Variants in DNAH8 observed in about 807,000 individuals in gnomAD.
The protein encoded by DNAH8 is axonemal beta dynein heavy chain 8.
DNAH8 carries 382 observed loss-of-function variants against 562.1 expected under a neutral mutation model. The observed-to-expected ratio is 0.68, with a 90% CI of 0.63 to 0.74. The LOEUF is 0.74. Ranked by LOEUF, DNAH8 falls within the 30% of genes least tolerant of loss-of-function variation. DNAH8 has a pLI of 0.00. For missense variants in DNAH8, 5,203 were observed against 5,620.4 expected (o/e 0.93, Z 2.37); for synonymous variants, 1,881 against 1,919.4 (o/e 0.98, Z 0.52).
intron 17 of DNAH8, among the ~76,000 whole-genome samples, chr6:38,786,067 T>G (rs1198701951): frequency 2.6e-5 from 4 of 152,232 alleles, no homozygotes; most frequent in Non-Finnish European, 4.4e-5. Flanking sequence ...ATAAGTGTTT[T>G]ATTATTATGC....
In DNAH8 at chr6:38,998,795, T is replaced by G. The variant is rs1765302908; in HGVS notation, c.13214+8623T>G. Reference sequence around the variant, plus strand: ...CCCATATTTACTCTAAAGAGAAATTTTCTTCAAGAAATAACTTAGAACCAA... The same window carrying G: ...CCCATATTTACTCTAAAGAGAAATTGTCTTCAAGAAATAACTTAGAACCAA... On this transcript the variant is annotated intron_variant, in intron 88 of 92. Transcript: ENST00000327475. 2.0e-5 allele frequency among the ~76,000 whole-genome samples: 3 copies of G among 152,206 alleles called. No individual in the cohort carries two copies. In the South Asian group the frequency reaches 6.2e-4, roughly 32 times the overall value.
chr6:39,017,537 C>T (rs1488254172), intron 91 of DNAH8, among the ~76,000 whole-genome samples: 1 of 152,128 alleles, frequency 6.6e-6, no homozygotes, highest in Non-Finnish European at 1.5e-5. Flanking sequence ...AGGTCTCACA[C>T]CTCTATAGTA....
intron 7 of DNAH8, among the ~76,000 whole-genome samples, chr6:38,739,062 A>G (rs1304793021): frequency 6.6e-6 from 1 of 151,996 alleles, no homozygotes; most frequent in Non-Finnish European, 1.5e-5. Context: ...GCTTGTTTAT[A>G]TCATTTACCT....
At chr6:38,786,688 C>A in intron 17 of DNAH8, 77 bp from the exon 18 acceptor site, 2 of 1,456,020 alleles carry the variant, frequency 1.4e-6, no homozygotes, top group East Asian at 2.4e-5. Flanking sequence ...ATCCAGGGGG[C>A]AAGACAGAAA....
intron 4 of DNAH8, among the ~76,000 whole-genome samples, chr6:38,733,122 G>A (rs1355420957): frequency 6.6e-6 from 1 of 152,074 alleles, no homozygotes; most frequent in African/African-American, 2.4e-5. Context: ...AAACTTCTGG[G>A]TTCAAGCAAT....
intron 62 of DNAH8, among the ~76,000 whole-genome samples, chr6:38,904,286 G>A (rs1780278959): frequency 6.6e-6 from 1 of 152,138 alleles, no homozygotes; most frequent in Non-Finnish European, 1.5e-5. Flanking sequence ...TCTGGAGATA[G>A]CAATATAGAA....
chr6:38,961,895 A>G (rs888721587), intron 82 of DNAH8, among the ~76,000 whole-genome samples: 3 of 151,996 alleles, frequency 2.0e-5, no homozygotes. Flanking sequence ...CAAAATCAAC[A>G]TTATTCTTAG....
chr6:38,926,474 G>A (rs1583374456), intron 74 of DNAH8, among the ~76,000 whole-genome samples: 1 of 152,084 alleles, frequency 6.6e-6, no homozygotes, highest in Admixed American at 6.6e-5. Context: ...CTTTTGTTCC[G>A]GGCCTTGGGT....
chr6:38,926,258 T>C, intron 74 of DNAH8, 48 bp downstream of exon 74: 1 of 1,583,892 alleles, frequency 6.3e-7, no homozygotes, highest in Non-Finnish European at 8.6e-7. Context: ...ATCATGAAAC[T>C]CTTTCAAAAT....
intron 44 of DNAH8, among the ~76,000 whole-genome samples, 193 bp from the exon 45 acceptor site, chr6:38,863,680 T>C (rs1205404605): frequency 2.0e-5 from 3 of 152,212 alleles, no homozygotes; most frequent in Non-Finnish European, 4.4e-5. Flanking sequence ...TTCCATTGTT[T>C]TGATGAAAAT....
chr6:38,827,978 T>G (rs1281748163), intron 29 of DNAH8, among the ~76,000 whole-genome samples: 1 of 152,116 alleles, frequency 6.6e-6, no homozygotes, highest in Non-Finnish European at 1.5e-5. Context: ...GCTTATTAAA[T>G]GCAGATTTCA....
chr6:38,993,009 A>G (rs1764897020), intron 88 of DNAH8, among the ~76,000 whole-genome samples: 2 of 152,064 alleles, frequency 1.3e-5, no homozygotes, highest in South Asian at 2.1e-4. Flanking sequence ...GTATAATCAC[A>G]TATATTTCTC....
At chr6:38,832,911 T>C (rs1370282153) in intron 31 of DNAH8, among the ~76,000 whole-genome samples, 1 of 151,704 alleles carries the variant, frequency 6.6e-6, no homozygotes, top group African/African-American at 2.4e-5. Flanking sequence ...TGGTTTTGTC[T>C]TTTCTCGGGG....
intron 88 of DNAH8, among the ~76,000 whole-genome samples, chr6:39,002,976 C>T (rs1039628733): frequency 5.9e-5 from 9 of 152,162 alleles, no homozygotes; most frequent in Admixed American, 6.5e-5. Flanking sequence ...CCAGATGTGG[C>T]ATTCTAGCTG....
rs969756082 is a variant in DNAH8 at position 38,750,025 on chromosome 6, G to A, written c.1294-451G>A. 2.0e-5 allele frequency among the ~76,000 whole-genome samples: 3 copies of A among 152,150 alleles called. No individual in the cohort carries two copies. In the East Asian group the frequency reaches 5.8e-4, roughly 29 times the overall value. On this transcript the variant is annotated intron_variant, in intron 8 of 92. Transcript: ENST00000327475. ...TTTTTTGTACTTTTAGTAGAGACGGGGTTTCACCGTGTTAGCTAGGATGGT... is the reference window on the plus strand; with the variant it reads ...TTTTTTGTACTTTTAGTAGAGACGGAGTTTCACCGTGTTAGCTAGGATGGT...
intron 65 of DNAH8, 79 bp downstream of exon 65, chr6:38,909,823 A>G: frequency 8.5e-7 from 1 of 1,171,758 alleles, no homozygotes; most frequent in Non-Finnish European, 1.2e-6. Context: ...AACATCCAGC[A>G]GAAGACTCTT....
At chr6:38,972,286 T>G (rs1381006028) in intron 83 of DNAH8, among the ~76,000 whole-genome samples, 15 of 152,192 alleles carry the variant, frequency 9.9e-5, no homozygotes, top group Admixed American at 9.8e-4. Context: ...TTTTAAGCTT[T>G]TGATCTCAGA....
At chr6:38,744,967 G>A (rs780897379) in intron 8 of DNAH8, among the ~76,000 whole-genome samples, 1 of 152,098 alleles carries the variant, frequency 6.6e-6, no homozygotes, top group African/African-American at 2.4e-5. Context: ...AATTCACTAT[G>A]ACTCCTGGGC....
chr6:38,762,693 C>T (rs1251384760), intron 11 of DNAH8, among the ~76,000 whole-genome samples: 1 of 152,222 alleles, frequency 6.6e-6, no homozygotes, highest in African/African-American at 2.4e-5. Flanking sequence ...AAGGCTCCAT[C>T]TGGAAGTGGT....
Sources: allele counts gnomAD v4.1 joint callset (sites outside exome capture counted in the v4.1 genomes callset), GRCh38; gene constraint gnomAD v4.1.1; transcripts MANE v1.5; gene names NCBI Gene and HGNC (gene_info 2026-07-23, HGNC 2026-07-21).